The following LIPA variants were observed in gnomAD, a reference collection of about 807,000 sequenced individuals.
LIPA encodes the protein lipase A, lysosomal acid type.
In LIPA, 26 loss-of-function variants were observed where a neutral mutation model predicts 40.6. The observed-to-expected ratio is 0.64, with a 90% CI of 0.47 to 0.89. The LOEUF (loss-of-function observed/expected upper bound fraction) is 0.89. Among genes scored for constraint, LIPA ranks in the 40% least tolerant of loss-of-function variants. The pLI, the probability that LIPA is intolerant of heterozygous loss-of-function variation, is 0.00. For synonymous variants in LIPA, 188 were observed against 168.4 expected (o/e 1.12, Z -0.90); for missense variants, 455 against 479.6 (o/e 0.95, Z 0.48).
intron 2 of LIPA, among the ~76,000 whole-genome samples, chr10:89,353,143 G>A (rs1056995265): frequency 4.6e-5 from 7 of 152,142 alleles, no homozygotes; most frequent in South Asian, 4.1e-4. Context: ...TTGTTAAACC[G>A]TCCCTAAAAT....
intron 3 of LIPA, among the ~76,000 whole-genome samples, chr10:89,231,488 T>G (rs1267628833): frequency 6.6e-6 from 1 of 151,772 alleles, no homozygotes; most frequent in Non-Finnish European, 1.5e-5. Flanking sequence ...CTTTTTTTTT[T>G]TTAAGAGAGA....
At chr10:89,398,746 A>G (rs1844380827) in intron 2 of LIPA, among the ~76,000 whole-genome samples, 1 of 152,200 alleles carries the variant, frequency 6.6e-6, no homozygotes, top group African/African-American at 2.4e-5. Context: ...CATTGTATGT[A>G]TATACCACAT....
intron 1 of LIPA, among the ~76,000 whole-genome samples, chr10:89,269,646 C>G (rs183052658): frequency 1.3e-5 from 2 of 152,276 alleles, no homozygotes; most frequent in East Asian, 3.9e-4. Flanking sequence ...ATATGTTCCT[C>G]TTTTGGGGAA....
chr10:89,368,329 A>G (rs1228393511), intron 2 of LIPA, among the ~76,000 whole-genome samples: 4 of 152,224 alleles, frequency 2.6e-5, no homozygotes, highest in Non-Finnish European at 5.9e-5. Context: ...ACCACACCTC[A>G]CAAGCCTTTG....
chr10:89,377,325 T>A (rs571497233), intron 2 of LIPA, among the ~76,000 whole-genome samples: 1 of 152,222 alleles, frequency 6.6e-6, no homozygotes, highest in Non-Finnish European at 1.5e-5. Flanking sequence ...TTAACCCCCA[T>A]GACCCCATCA....
chr10:89,339,889 CA>C, intron 1 of LIPA: 2 of 1,614,130 alleles, frequency 1.2e-6, no homozygotes, highest in African/African-American at 2.7e-5. Context: ...TCTGCTTCCA[CA>C]AAATGCACCA....
At chr10:89,320,054 G>C (rs2133531858) in intron 1 of LIPA, among the ~76,000 whole-genome samples, 1 of 152,276 alleles carries the variant, frequency 6.6e-6, no homozygotes, top group Non-Finnish European at 1.5e-5. Flanking sequence ...ACTAGGTATT[G>C]ATGGGACATA....
At chr10:89,281,970 C>T (rs1437561252) in intron 1 of LIPA, among the ~76,000 whole-genome samples, 1 of 152,164 alleles carries the variant, frequency 6.6e-6, no homozygotes, top group African/African-American at 2.4e-5. Context: ...TTAGAGTTTT[C>T]CCTTTAGTGT....
chr10:89,288,509 C>T (rs1248467886), intron 1 of LIPA, among the ~76,000 whole-genome samples: 3 of 152,160 alleles, frequency 2.0e-5, no homozygotes, highest in Admixed American at 2.0e-4. Flanking sequence ...ATCCTGTAGC[C>T]TTTCTGTCCA....
chr10:89,401,658 A>C (rs557529788), intron 2 of LIPA, among the ~76,000 whole-genome samples: 2 of 152,258 alleles, frequency 1.3e-5, no homozygotes, highest in South Asian at 4.1e-4. Flanking sequence ...TCAATTTTCT[A>C]GTTTTGAGCT....
chr10:89,404,446 TAA>T (rs1341208818), intron 2 of LIPA: 1 of 152,260 alleles, frequency 6.6e-6, no homozygotes, highest in Non-Finnish European at 1.5e-5. Context: ...ATTTTAATGT[TAA>T]GTCTCCACCA....
upstream of LIPA, among the ~76,000 whole-genome samples, chr10:89,347,472 A>C (rs557626961): frequency 6.6e-6 from 1 of 152,356 alleles, no homozygotes; most frequent in East Asian, 1.9e-4. Flanking sequence ...AAGTTCCCTG[A>C]TGTTAGCCAA....
At chr10:89,285,522 T>C (rs950889708) in intron 1 of LIPA, among the ~76,000 whole-genome samples, 17 of 152,292 alleles carry the variant, frequency 1.1e-4, no homozygotes, top group East Asian at 7.7e-4. Context: ...CCACATTTCA[T>C]TGGTGTCTGA....
chr10:89,293,604 T>A (rs12257062), intron 1 of LIPA: 1 of 152,022 alleles, frequency 6.6e-6, no homozygotes, highest in African/African-American at 2.4e-5. Flanking sequence ...AGTTGGTTTC[T>A]GGTGAGACCT....
At chr10:89,346,081 GCTCAGACTT>G (rs1288446223), upstream of LIPA, among the ~76,000 whole-genome samples, 3 of 152,190 alleles carry the variant, frequency 2.0e-5, no homozygotes, top group Non-Finnish European at 4.4e-5. Context: ...ATTAGGTTAA[GCTCAGACTT>G]CTCAATAGCA....
chr10:89,280,357 C>T (rs1321152432), intron 1 of LIPA, among the ~76,000 whole-genome samples: 1 of 152,186 alleles, frequency 6.6e-6, no homozygotes, highest in Non-Finnish European at 1.5e-5. Context: ...TGAACGTGCT[C>T]TCAGGCAAAC....
intron 2 of LIPA, among the ~76,000 whole-genome samples, chr10:89,365,530 G>C (rs35833529): frequency 0.23 from 34,786 of 151,932 alleles, 4,157 homozygotes; most frequent in African/African-American, 0.25. Flanking sequence ...TTGCCCATGC[G>C]TATGTCCTGA....
At chr10:89,248,099 T>C (rs1843056138) in intron 1 of LIPA, among the ~76,000 whole-genome samples, 1 of 151,732 alleles carries the variant, frequency 6.6e-6, no homozygotes, top group African/African-American at 2.4e-5. Flanking sequence ...ACTCCTGGCT[T>C]CGTGATTCGC....
upstream of LIPA, among the ~76,000 whole-genome samples, chr10:89,346,296 G>T (rs80103432): frequency 0.01 from 1,550 of 152,244 alleles, 29 homozygotes; most frequent in East Asian, 0.075. Context: ...TAATCTTTAA[G>T]ACAGGAAACT....
Sources: allele counts gnomAD v4.1 joint callset (sites outside exome capture counted in the v4.1 genomes callset), GRCh38; gene constraint gnomAD v4.1.1; transcripts MANE v1.5; gene names NCBI Gene and HGNC (gene_info 2026-07-23, HGNC 2026-07-21).